NFATC2IP: variants seen among roughly 807,000 people sequenced by gnomAD.
NFATC2IP encodes the protein NFATC2-interacting protein.
In NFATC2IP, 25 loss-of-function variants were observed where a neutral mutation model predicts 40.2. That is an observed-to-expected ratio of 0.62 (90% CI 0.45 to 0.87). The LOEUF (loss-of-function observed/expected upper bound fraction) is 0.87, where lower values mean the gene tolerates loss of function less well. NFATC2IP is among the 40% of genes least tolerant of loss of function. The pLI is 0.00. For synonymous variants in NFATC2IP, 241 were observed against 236.3 expected (o/e 1.02, Z -0.18); for missense variants, 553 against 555.6 (o/e 1.00, Z 0.05).
intron 2 of NFATC2IP, chr16:28,952,775 T>G (rs1964981912): frequency 2.6e-5 from 4 of 152,188 alleles, no homozygotes; most frequent in Admixed American, 1.3e-4. Flanking sequence ...AGAGTTTCGC[T>G]TTTGTTGCCC....
chr16:28,961,728 G>A (rs1008516329), intron 7 of NFATC2IP, among the ~76,000 whole-genome samples: 3 of 151,886 alleles, frequency 2.0e-5, no homozygotes, highest in African/African-American at 4.8e-5. Context: ...GTGAAACCCT[G>A]TCTCTACTAA....
At chr16:28,952,285 A>G (rs1964975585) in intron 2 of NFATC2IP, 81 bp downstream of exon 2, 1 of 1,594,862 alleles carries the variant, frequency 6.3e-7, no homozygotes, top group Non-Finnish European at 8.5e-7. Flanking sequence ...TCCTGCAGTC[A>G]GTTGTCTCCT....
intron 7 of NFATC2IP, 103 bp from the exon 8 acceptor site, chr16:28,963,602 C>T (rs1213382932): frequency 9.1e-6 from 9 of 992,860 alleles, no homozygotes; most frequent in Non-Finnish European, 1.4e-5. Flanking sequence ...TTATTGTTTC[C>T]GCCCCTGCCG....
Position 28,965,068 on chromosome 16 carries a change from C to T in NFATC2IP, c.*1205C>T, listed in dbSNP as rs765702588. 6.6e-6 allele frequency: 1 copy of T among 152,180 alleles called. No individual in the cohort carries two copies. The highest frequency in any genetic ancestry group is 1.5e-5 in the Non-Finnish European group (1 of 68,052). 9.4% of individuals were successfully genotyped at this position (152,180 alleles called of 1,614,324 possible). ...GCCGCCCTTTTCTCCTTATCCTTGCCAGCACTTGTATTGCCAGACTACCTA... is the reference window on the plus strand; with the variant it reads ...GCCGCCCTTTTCTCCTTATCCTTGCTAGCACTTGTATTGCCAGACTACCTA... On this transcript the variant is annotated 3_prime_UTR_variant, in exon 8 of 8. Transcript: ENST00000320805.
At chr16:28,960,608 G>A (rs1223235029) in intron 7 of NFATC2IP, among the ~76,000 whole-genome samples, 3 of 152,150 alleles carry the variant, frequency 2.0e-5, no homozygotes, top group African/African-American at 7.2e-5. Flanking sequence ...ACAGTGATGG[G>A]ACAGACATAG....
At chr16:28,953,400 T>C (rs1199046463) in intron 2 of NFATC2IP, among the ~76,000 whole-genome samples, 1 of 152,210 alleles carries the variant, frequency 6.6e-6, no homozygotes, top group African/African-American at 2.4e-5. Context: ...TTCTCAGTGC[T>C]TCAATTTCCT....
At chr16:28,962,461 G>A (rs1426069876) in intron 7 of NFATC2IP, among the ~76,000 whole-genome samples, 1 of 152,066 alleles carries the variant, frequency 6.6e-6, no homozygotes, top group Non-Finnish European at 1.5e-5. Context: ...ATATAGGCAT[G>A]ACTGATTAAA....
intron 7 of NFATC2IP, among the ~76,000 whole-genome samples, chr16:28,960,908 A>G (rs544330285): frequency 4.7e-4 from 72 of 152,296 alleles, no homozygotes; most frequent in African/African-American, 1.7e-3. Context: ...TCCTGTTAAG[A>G]TGATAGGAGA....
chr16:28,951,440 G>A (rs1964966585), intron 1 of NFATC2IP, 42 bp downstream of exon 1: 10 of 1,371,750 alleles, frequency 7.3e-6, no homozygotes, highest in Non-Finnish European at 8.4e-6. Flanking sequence ...AAGGGCCAAG[G>A]GCTTGGCCTC....
intron 3 of NFATC2IP, 21 bp downstream of exon 3, chr16:28,954,703 T>A: frequency 6.7e-7 from 1 of 1,486,474 alleles, no homozygotes; most frequent in Non-Finnish European, 9.4e-7. Context: ...CCAGGGCCCT[T>A]GGGCCCTGGG....
rs749614219 is a variant in NFATC2IP, at chr16:28,952,244, C to T, written c.460+40C>T. On this transcript the variant is annotated intron_variant, in intron 2 of 7. Transcript: ENST00000320805. ...CCAGGGAGAGGCACGCAGCCGCTGG[C>T]TTCTCTTAAGAGAATTCCTGGGGTT... The T allele has an allele frequency of 8.7e-6, 14 of 1,612,092 alleles. No homozygotes were observed. In the South Asian group the frequency reaches 1.4e-4, roughly 16 times the overall value.
At chr16:28,962,764 TCTC>T (rs1183941681) in intron 7 of NFATC2IP, among the ~76,000 whole-genome samples, 1 of 152,294 alleles carries the variant, frequency 6.6e-6, no homozygotes, top group Non-Finnish European at 1.5e-5. Flanking sequence ...ATCTGCCCTG[TCTC>T]CTCCTGGCTC....
chr16:28,951,157 A>T lies in NFATC2IP; in HGVS notation c.146A>T (p.Asp49Val). ...GGCACGCTGGACGTAGTGTCTGTGG[A>T]CTTGGTCACCGACAGCGATGAGGAA... ...SRGTLDVVSV[D>V]LVTDSDEEIL... Residue 49 changes from aspartate to valine, a missense_variant, in exon 1 of 8, where the codon GAC becomes GTC. By Grantham distance (152) the Asp-to-Val change is radical (BLOSUM62 -3). Transcript: ENST00000320805. The T allele has an allele frequency of 6.5e-7, 1 of 1,544,834 alleles. No homozygotes were observed. The highest frequency in any genetic ancestry group is 8.7e-7 in the Non-Finnish European group (1 of 1,144,062).
At chr16:28,956,533 C>T (rs1335297056) in intron 5 of NFATC2IP, 196 bp downstream of exon 5, 4 of 576,202 alleles carry the variant, frequency 6.9e-6, no homozygotes, top group South Asian at 6.6e-5. Flanking sequence ...CAACGCTCCC[C>T]TCTCTTTCTG....
In NFATC2IP at chr16:28,956,172, G is replaced by A; in HGVS notation, c.681G>A (p.Gln227=). ...KKLSEVNKRL[Q]DLRSCLSPKP... is the part of the protein sequence containing the mutation. Reference sequence around the variant, plus strand: ...GCAGTGAGGTGAACAAGCGCCTCCAGGATCTCCGTTCCTGTCTGAGCCCCA... The same window carrying A: ...GCAGTGAGGTGAACAAGCGCCTCCAAGATCTCCGTTCCTGTCTGAGCCCCA... Residue 227 remains glutamine, a synonymous_variant, in exon 5 of 8, where the codon CAG becomes CAA. Coordinates refer to ENST00000320805, the MANE Select transcript of NFATC2IP (RefSeq NM_032815.4). 6.2e-7 allele frequency: 1 copy of A among 1,614,088 alleles called. No homozygotes were observed. The highest frequency in any genetic ancestry group is 8.5e-7 in the Non-Finnish European group (1 of 1,180,016).
At position 28,955,547 on chromosome 16, in the gene NFATC2IP, C is replaced by T. The variant is rs73533878; in HGVS notation, c.579-431C>T. ...AGGCTTTCCCTCTCCCCTACCCCTG[C>T]CTTCCAGTGAAATGGGGGTTATTGG... On this transcript the variant is annotated intron_variant, in intron 3 of 7. Coordinates refer to ENST00000320805, the MANE Select transcript of NFATC2IP (RefSeq NM_032815.4). Among the ~76,000 whole-genome samples, 449 of 152,280 alleles carry T rather than the reference C, an allele frequency of 2.9e-3. 2 individuals carry two copies. The highest frequency in any genetic ancestry group is 0.01 in the African/African-American group (434 of 41,546).
Position 28,964,104 on chromosome 16 carries a change from T to C in NFATC2IP, c.*241T>C. ...CTCCGTCCACAAGTCATGCTGAGTT[T>C]TGCAGCCTCTGTGACTTGGAGATGT... On this transcript the variant is annotated 3_prime_UTR_variant, in exon 8 of 8. Coordinates refer to ENST00000320805, the MANE Select transcript of NFATC2IP (RefSeq NM_032815.4). 2.0e-6 allele frequency: 1 copy of C among 492,454 alleles called. No individual in the cohort carries two copies. Among genetic ancestry groups the C allele is most frequent in the South Asian group, 2.8e-5 (1 of 35,634 alleles). 30.5% of individuals were successfully genotyped at this position (492,454 alleles called of 1,614,324 possible). A position where few individuals can be genotyped will look rare whatever the true frequency, so the allele number is the denominator to read the frequency against.
intron 7 of NFATC2IP, among the ~76,000 whole-genome samples, chr16:28,959,546 G>A (rs1406225777): frequency 6.6e-6 from 1 of 151,146 alleles, no homozygotes; most frequent in Non-Finnish European, 1.5e-5. Flanking sequence ...TTCTAGAGAG[G>A]TGGAATAAGC....
chr16:28,957,332 C>T (rs1965033033), intron 5 of NFATC2IP, among the ~76,000 whole-genome samples: 1 of 151,488 alleles, frequency 6.6e-6, no homozygotes, highest in Admixed American at 6.6e-5. Context: ...CGTGCCTGGC[C>T]TATTTTATTT....
Sources: gnomAD v4.1 joint callset for allele counts (sites outside exome capture counted in the v4.1 genomes callset) on GRCh38, gnomAD v4.1.1 for gene constraint, MANE v1.5 for transcripts, NCBI Gene and HGNC (gene_info 2026-07-23, HGNC 2026-07-21) for gene names.